PLXDC2: variants seen among roughly 807,000 people sequenced by gnomAD.
PLXDC2 encodes plexin domain containing 2, also known as plexin domain-containing protein 2.
A neutral mutation model predicts 68.9 loss-of-function variants in PLXDC2; 40 were observed. That is an observed-to-expected ratio of 0.58 (90% CI 0.45 to 0.76). The LOEUF (loss-of-function observed/expected upper bound fraction) is 0.76. Among genes scored for constraint, PLXDC2 ranks in the 30% least tolerant of loss-of-function variants. The pLI, the probability that PLXDC2 is intolerant of heterozygous loss-of-function variation, is 0.00. For missense variants in PLXDC2, 644 were observed against 661.9 expected, an observed-to-expected ratio of 0.97 and a Z score of 0.30; for synonymous variants, 243 against 234.2, an observed-to-expected ratio of 1.04 and a Z score of -0.34.
At chr10:20,216,018 C>T (rs2131861967) in intron 10 of PLXDC2, among the ~76,000 whole-genome samples, 1 of 151,568 alleles carries the variant, frequency 6.6e-6, no homozygotes, top group African/African-American at 2.4e-5. Context: ...CATGGCGGGT[C>T]TGTGTGATTA....
At chr10:20,053,318 G>A (rs913074778) in intron 3 of PLXDC2, among the ~76,000 whole-genome samples, 1 of 152,084 alleles carries the variant, frequency 6.6e-6, no homozygotes, top group Non-Finnish European at 1.5e-5. Context: ...TAAAACCTAA[G>A]TTTTGCAGTT....
intron 1 of PLXDC2, among the ~76,000 whole-genome samples, chr10:19,850,393 C>T (rs1375689891): frequency 2.6e-5 from 4 of 151,904 alleles, no homozygotes; most frequent in African/African-American, 4.8e-5. Flanking sequence ...TAAAAGTCTC[C>T]GTACTTCATA....
intron 2 of PLXDC2, among the ~76,000 whole-genome samples, chr10:20,030,466 C>T (rs762893724): frequency 9.9e-5 from 15 of 152,160 alleles, no homozygotes; most frequent in Non-Finnish European, 1.5e-4. Context: ...ACAAAATCCT[C>T]TGAAAAGGAA....
At chr10:20,238,716 TACACATATAC>T (rs1835474157) in intron 12 of PLXDC2, among the ~76,000 whole-genome samples, 1 of 136,470 alleles carries the variant, frequency 7.3e-6, no homozygotes, top group Non-Finnish European at 1.6e-5. Context: ...TGTGTATATA[TACACATATAC>T]ATACATATAT....
chr10:19,937,544 G>GTATATATATATATATATATA (rs71388881), intron 1 of PLXDC2, among the ~76,000 whole-genome samples: 18 of 95,970 alleles, frequency 1.9e-4, no homozygotes, highest in Admixed American at 2.3e-4. Context: ...TATAGTCAAT[G>GTATATATATATATATATATA]TATATATATA....
intron 1 of PLXDC2, among the ~76,000 whole-genome samples, chr10:19,846,435 A>G (rs1209969722): frequency 2.6e-5 from 4 of 152,116 alleles, no homozygotes; most frequent in Middle Eastern, 3.2e-3. Context: ...GTTATGAATG[A>G]ATGACCCTTT....
rs1406965498 is a variant in PLXDC2, at chr10:20,285,837, T to G, written c.*6018T>G. On this transcript the variant is annotated 3_prime_UTR_variant, in exon 14 of 14. Coordinates refer to ENST00000377252, the MANE Select transcript of PLXDC2 (RefSeq NM_032812.9). ...CCCAGACATAAGACAATCAGGGAAA[T>G]CAGAAAACTCCAGCCTCAAATGTGT... 6.6e-6 allele frequency: 1 copy of G among 152,146 alleles called. No homozygotes were observed. Among genetic ancestry groups the G allele is most frequent in the African/African-American group, 2.4e-5 (1 of 41,440 alleles). 9.4% of individuals were successfully genotyped at this position (152,146 alleles called of 1,614,324 possible).
intron 1 of PLXDC2, among the ~76,000 whole-genome samples, chr10:19,974,028 A>G (rs144718243): frequency 1.3e-5 from 2 of 152,332 alleles, no homozygotes; most frequent in East Asian, 3.9e-4. Context: ...AAGACTTGGG[A>G]TATTTTATGT....
chr10:19,827,634 C>T (rs1836598104), intron 1 of PLXDC2, among the ~76,000 whole-genome samples: 1 of 151,526 alleles, frequency 6.6e-6, no homozygotes, highest in South Asian at 2.1e-4. Context: ...GATCTTGGCT[C>T]ACTGCAACCT....
At chr10:19,855,488 T>C (rs550370754) in intron 1 of PLXDC2, among the ~76,000 whole-genome samples, 67 of 152,330 alleles carry the variant, frequency 4.4e-4, no homozygotes, top group African/African-American at 1.5e-3. Context: ...TGTAAAACTT[T>C]TAGTACAGAT....
chr10:19,854,090 A>C (rs1244304162), intron 1 of PLXDC2, among the ~76,000 whole-genome samples: 6 of 152,128 alleles, frequency 3.9e-5, no homozygotes, highest in Non-Finnish European at 5.9e-5. Flanking sequence ...TAGTGACAGG[A>C]GACAAGGCTA....
chr10:19,826,834 G>T (rs556614963), intron 1 of PLXDC2, among the ~76,000 whole-genome samples: 168 of 152,242 alleles, frequency 1.1e-3, no homozygotes, highest in African/African-American at 3.8e-3. Flanking sequence ...TCAGAATCTT[G>T]TGGTCGCGTT....
chr10:19,816,728 T>A lies in PLXDC2; in HGVS notation c.-352T>A. The stretch of plus-strand genomic sequence containing the variant: ...GGAGCGCATCGCTGGGGCTCGGAAG[T>A]CACCGTCCGCGGGCACCGGGTTGGC... On this transcript the variant is annotated 5_prime_UTR_variant, in exon 1 of 14. Transcript: ENST00000377252. 2.5e-6 allele frequency: 1 copy of A among 402,656 alleles called. No homozygotes were observed. The highest frequency in any genetic ancestry group is 2.9e-5 in the South Asian group (1 of 34,902). 24.9% of individuals were successfully genotyped at this position (402,656 alleles called of 1,614,324 possible).
At chr10:20,081,871 T>C (rs1836564645) in intron 4 of PLXDC2, among the ~76,000 whole-genome samples, 1 of 151,378 alleles carries the variant, frequency 6.6e-6, no homozygotes, top group African/African-American at 2.4e-5. Context: ...AAACCCCATC[T>C]CTACTAGAAA....
chr10:19,929,184 G>A (rs1013814104), intron 1 of PLXDC2, among the ~76,000 whole-genome samples: 14 of 151,804 alleles, frequency 9.2e-5, no homozygotes, highest in African/African-American at 3.1e-4. Context: ...TTCAACACCA[G>A]CCTGGCCAAT....
chr10:20,203,954 C>T (rs1294912874), intron 9 of PLXDC2, among the ~76,000 whole-genome samples: 1 of 152,148 alleles, frequency 6.6e-6, no homozygotes, highest in East Asian at 1.9e-4. Flanking sequence ...ACACACTCCA[C>T]CTTCTTGCAT....
intron 1 of PLXDC2, among the ~76,000 whole-genome samples, chr10:19,979,132 A>C (rs529589613): frequency 2.6e-5 from 4 of 152,166 alleles, no homozygotes; most frequent in Admixed American, 1.3e-4. Flanking sequence ...CCAAACATTC[A>C]TAAACTTCAT....
At chr10:19,875,946 A>G (rs961090363) in intron 1 of PLXDC2, among the ~76,000 whole-genome samples, 2 of 152,152 alleles carry the variant, frequency 1.3e-5, no homozygotes, top group African/African-American at 2.4e-5. Context: ...ATGCAAATTT[A>G]TTTCTGAAAT....
intron 9 of PLXDC2, among the ~76,000 whole-genome samples, chr10:20,205,633 A>C (rs1834981094): frequency 6.6e-6 from 1 of 152,048 alleles, no homozygotes; most frequent in African/African-American, 2.4e-5. Flanking sequence ...TGAAAACCTC[A>C]TTTACTCATT....
Sources: gnomAD v4.1 joint callset for allele counts (sites outside exome capture counted in the v4.1 genomes callset) on GRCh38, gnomAD v4.1.1 for gene constraint, MANE v1.5 for transcripts, NCBI Gene and HGNC (gene_info 2026-07-23, HGNC 2026-07-21) for gene names.